Variants in PRKAR2B observed in about 807,000 individuals in gnomAD.
PRKAR2B encodes cAMP-dependent protein kinase type II-beta regulatory subunit.
Under a neutral mutation model 49.9 loss-of-function variants are expected in PRKAR2B, and 14 were observed. The ratio of observed to expected loss-of-function variants is 0.28; its 90% confidence interval spans 0.19 to 0.44. The LOEUF (loss-of-function observed/expected upper bound fraction) is 0.44. Among genes scored for constraint, PRKAR2B ranks in the 20% least tolerant of loss-of-function variants. PRKAR2B has a pLI of 1.00. For missense variants in PRKAR2B, 393 were observed against 537.9 expected, an observed-to-expected ratio of 0.73 and a Z score of 2.67; for synonymous variants, 196 against 197.7, an observed-to-expected ratio of 0.99 and a Z score of 0.07.
intron 4 of PRKAR2B, among the ~76,000 whole-genome samples, chr7:107,134,929 T>G (rs1795668399): frequency 6.6e-6 from 1 of 152,130 alleles, no homozygotes; most frequent in African/African-American, 2.4e-5. Flanking sequence ...GATTTAGCAT[T>G]GGACTCTTAG....
At chr7:107,088,532 A>G (rs574975206) in intron 2 of PRKAR2B, among the ~76,000 whole-genome samples, 14 of 152,326 alleles carry the variant, frequency 9.2e-5, no homozygotes, top group African/African-American at 3.4e-4. Flanking sequence ...AGCTTAAGCC[A>G]AATATATCAA....
At chr7:107,137,742 C>T (rs1254005842) in intron 4 of PRKAR2B, among the ~76,000 whole-genome samples, 1 of 152,162 alleles carries the variant, frequency 6.6e-6, no homozygotes, top group Admixed American at 6.5e-5. Flanking sequence ...CTTTTTGAAT[C>T]TGGCGAGTGA....
chr7:107,125,299 C>G (rs1795463417), intron 3 of PRKAR2B, among the ~76,000 whole-genome samples: 1 of 152,172 alleles, frequency 6.6e-6, no homozygotes, highest in Non-Finnish European at 1.5e-5. Flanking sequence ...CTCTAAATTT[C>G]TTAACCTGCT....
intron 2 of PRKAR2B, among the ~76,000 whole-genome samples, chr7:107,103,389 T>C (rs1795012212): frequency 6.6e-6 from 1 of 152,230 alleles, no homozygotes; most frequent in African/African-American, 2.4e-5. Context: ...ACCCCAGGGT[T>C]CTACCAGTTT....
chr7:107,097,680 C>T (rs999442098), intron 2 of PRKAR2B, among the ~76,000 whole-genome samples: 9 of 152,148 alleles, frequency 5.9e-5, no homozygotes, highest in African/African-American at 2.2e-4. Flanking sequence ...GTGCTTCCTT[C>T]AGGAGCTCTT....
At chr7:107,068,204 C>G (rs1157600929) in intron 1 of PRKAR2B, among the ~76,000 whole-genome samples, 1 of 152,120 alleles carries the variant, frequency 6.6e-6, no homozygotes, top group Non-Finnish European at 1.5e-5. Flanking sequence ...CCCAGGAAAA[C>G]AAAGACTTCC....
At chr7:107,063,980 C>T (rs1468799798) in intron 1 of PRKAR2B, among the ~76,000 whole-genome samples, 1 of 152,164 alleles carries the variant, frequency 6.6e-6, no homozygotes, top group East Asian at 1.9e-4. Context: ...TTAAAAGAGA[C>T]AGTTTTGTGT....
At chr7:107,071,289 A>G (rs1164817337) in intron 2 of PRKAR2B, among the ~76,000 whole-genome samples, 1 of 152,224 alleles carries the variant, frequency 6.6e-6, no homozygotes, top group Admixed American at 6.5e-5. Flanking sequence ...CTATAATATT[A>G]AAGACATTTT....
chr7:107,143,760 T>C (rs919842321), intron 5 of PRKAR2B, among the ~76,000 whole-genome samples: 1 of 152,144 alleles, frequency 6.6e-6, no homozygotes, highest in African/African-American at 2.4e-5. Context: ...ATGTACAAAA[T>C]TACTCAAAAT....
intron 4 of PRKAR2B, among the ~76,000 whole-genome samples, chr7:107,138,668 C>G (rs193006709): frequency 6.6e-6 from 1 of 150,722 alleles, no homozygotes; most frequent in African/African-American, 2.4e-5. Flanking sequence ...CAATCTCAGC[C>G]TCTCCTGAGT....
intron 4 of PRKAR2B, among the ~76,000 whole-genome samples, chr7:107,139,792 A>G (rs565742812): frequency 6.6e-6 from 1 of 152,134 alleles, no homozygotes; most frequent in Non-Finnish European, 1.5e-5. Context: ...ATCACATGTG[A>G]TCTGTTATCC....
At chr7:107,100,775 T>C (rs1354067967) in intron 2 of PRKAR2B, among the ~76,000 whole-genome samples, 2 of 152,090 alleles carry the variant, frequency 1.3e-5, no homozygotes, top group Non-Finnish European at 2.9e-5. Context: ...TGAGCCCACC[T>C]AATGAGTTTT....
intron 1 of PRKAR2B, chr7:107,068,864 G>C (rs2536500): frequency 3.9e-5 from 6 of 152,170 alleles, no homozygotes; most frequent in African/African-American, 1.4e-4. Context: ...GAGTGACTGT[G>C]TGATCTAAAA....
intron 4 of PRKAR2B, among the ~76,000 whole-genome samples, chr7:107,131,767 C>A (rs945276369): frequency 4.6e-5 from 7 of 152,140 alleles, no homozygotes; most frequent in African/African-American, 1.7e-4. Context: ...CAAAACATGG[C>A]AGATTAGAGG....
intron 6 of PRKAR2B, among the ~76,000 whole-genome samples, chr7:107,146,821 T>A (rs6947857): frequency 6.6e-6 from 1 of 152,124 alleles, no homozygotes; most frequent in South Asian, 2.1e-4. Flanking sequence ...CTGATAAAGT[T>A]GTGGCTCCCA....
intron 3 of PRKAR2B, among the ~76,000 whole-genome samples, chr7:107,126,268 A>C (rs1316153087): frequency 1.4e-5 from 2 of 140,920 alleles, no homozygotes; most frequent in East Asian, 2.0e-4. Flanking sequence ...AAAAAAAAAA[A>C]ACCAAAGCCA....
intron 6 of PRKAR2B, among the ~76,000 whole-genome samples, chr7:107,148,404 G>A (rs890580560): frequency 6.6e-6 from 1 of 152,038 alleles, no homozygotes; most frequent in African/African-American, 2.4e-5. Flanking sequence ...AACTTTAATG[G>A]GGTATAAAAG....
intron 6 of PRKAR2B, among the ~76,000 whole-genome samples, chr7:107,147,127 C>T (rs763035817): frequency 5.3e-5 from 8 of 151,962 alleles, no homozygotes; most frequent in Non-Finnish European, 1.2e-4. Context: ...ATCGAGACCA[C>T]GGTGAAACCC....
At chr7:107,150,221 A>G (rs1264768200) in intron 6 of PRKAR2B, among the ~76,000 whole-genome samples, 3 of 152,106 alleles carry the variant, frequency 2.0e-5, no homozygotes, top group Admixed American at 6.5e-5. Flanking sequence ...TAAAATTTTT[A>G]CTAGTTCTTC....
Sources: allele counts gnomAD v4.1 joint callset (sites outside exome capture counted in the v4.1 genomes callset), GRCh38; gene constraint gnomAD v4.1.1; transcripts MANE v1.5; gene names NCBI Gene and HGNC (gene_info 2026-07-23, HGNC 2026-07-21).